MARCHF1: variants seen among roughly 807,000 people sequenced by gnomAD.
The protein encoded by MARCHF1 is E3 ubiquitin-protein ligase MARCHF1.
Under a neutral mutation model 54.2 loss-of-function variants are expected in MARCHF1, and 40 were observed. That is an observed-to-expected ratio of 0.74 (90% CI 0.57 to 0.96). The LOEUF is 0.96. Among genes scored for constraint, MARCHF1 ranks in the 40% least tolerant of loss-of-function variants. The probability of loss-of-function intolerance (pLI) is 0.00; values close to 1 mark genes in which losing one functional copy is unlikely to be tolerated. For synonymous variants in MARCHF1, 236 were observed against 236.3 expected (o/e 1.00, Z 0.01); for missense variants, 586 against 656.5 (o/e 0.89, Z 1.17).
At chr4:164,001,542 A>G (rs1430937112) in intron 2 of MARCHF1, among the ~76,000 whole-genome samples, 6 of 151,854 alleles carry the variant, frequency 4.0e-5, no homozygotes, top group Non-Finnish European at 5.9e-5. Context: ...AATATATGAA[A>G]CAAATGGTTT....
chr4:163,743,016 A>G (rs888962971), intron 4 of MARCHF1, among the ~76,000 whole-genome samples: 7 of 152,228 alleles, frequency 4.6e-5, no homozygotes, highest in Non-Finnish European at 8.8e-5. Flanking sequence ...AACTATTGCT[A>G]TTTAAGTACA....
rs1164922405 is a variant in MARCHF1 at position 163,545,671 on chromosome 4, T to C, written c.1264A>G (p.Ile422Val). 9.9e-6 allele frequency: 16 copies of C among 1,613,994 alleles called. No individual in the cohort carries two copies. Among genetic ancestry groups the C allele is most frequent in the Middle Eastern group, 1.6e-4 (1 of 6,084 alleles). Residue 422 changes from isoleucine (I) to valine (V), a missense_variant, in exon 9 of 10, where the codon ATC becomes GTC. Around this residue, in one of 3 missense-constraint regions of MARCHF1, gnomAD observed 93 missense variants for 168.2 expected, o/e 0.55. Coordinates refer to ENST00000514618, the MANE Select transcript of MARCHF1 (RefSeq NM_001394959.1). The stretch of plus-strand genomic sequence containing the variant: ...TACAAAGACCAAACCACACAGGTGA[T>C]CGCGATTACGTGGAATGTGACAGAG... ...FCSVTFHVIA[I>V]TCVVWSLYVL... is the part of the protein sequence containing the mutation.
intron 3 of MARCHF1, among the ~76,000 whole-genome samples, chr4:163,928,111 G>A (rs145777226): frequency 0.015 from 2,291 of 151,858 alleles, 35 homozygotes; most frequent in Non-Finnish European, 0.02. Context: ...AATTCTCTAT[G>A]TAATTCTTTC....
intron 2 of MARCHF1, among the ~76,000 whole-genome samples, chr4:164,032,281 C>A (rs961430496): frequency 6.6e-6 from 1 of 151,964 alleles, no homozygotes; most frequent in Admixed American, 6.6e-5. Flanking sequence ...TTCAAAAAAC[C>A]AGCTCTTGGA....
intron 5 of MARCHF1, among the ~76,000 whole-genome samples, chr4:163,678,131 G>A (rs1443052929): frequency 1.3e-5 from 2 of 152,162 alleles, no homozygotes; most frequent in South Asian, 2.1e-4. Flanking sequence ...TGCCACAGAT[G>A]GAATTCCTTG....
intron 1 of MARCHF1, among the ~76,000 whole-genome samples, chr4:164,253,390 G>T (rs372217552): frequency 5.1e-4 from 77 of 152,182 alleles, no homozygotes; most frequent in African/African-American, 1.8e-3. Flanking sequence ...CCTTCAGAAG[G>T]AAATAAGCTG....
At chr4:163,555,846 T>C (rs1043980183) in intron 8 of MARCHF1, 6 of 434,578 alleles carry the variant, frequency 1.4e-5, no homozygotes, top group Non-Finnish European at 2.3e-5. Context: ...CTTCGCCTCT[T>C]ACCTCTTCAG....
At chr4:163,670,007 TC>T (rs1363716376) in intron 5 of MARCHF1, among the ~76,000 whole-genome samples, 3 of 152,186 alleles carry the variant, frequency 2.0e-5, no homozygotes, top group African/African-American at 7.2e-5. Flanking sequence ...TTTTAAGATG[TC>T]TTTGGAAGGA....
At chr4:163,763,775 T>G (rs1746898205) in intron 4 of MARCHF1, among the ~76,000 whole-genome samples, 1 of 152,116 alleles carries the variant, frequency 6.6e-6, no homozygotes, top group Non-Finnish European at 1.5e-5. Flanking sequence ...TGGATTATAC[T>G]GTCATGTTGG....
At chr4:163,909,252 T>C (rs1371346112) in intron 3 of MARCHF1, among the ~76,000 whole-genome samples, 2 of 152,150 alleles carry the variant, frequency 1.3e-5, no homozygotes, top group Non-Finnish European at 2.9e-5. Context: ...CCAGCAATAA[T>C]AGAAACAGTA....
intron 1 of MARCHF1, among the ~76,000 whole-genome samples, chr4:164,288,863 A>G (rs1024944473): frequency 1.3e-5 from 2 of 152,086 alleles, no homozygotes; most frequent in African/African-American, 4.8e-5. Context: ...ATTGACTCTC[A>G]GCAAGGTATA....
chr4:163,721,666 T>G (rs56666387), intron 4 of MARCHF1, among the ~76,000 whole-genome samples: 26 of 152,278 alleles, frequency 1.7e-4, no homozygotes, highest in East Asian at 1.4e-3. Context: ...TCCTGGACTT[T>G]CTTTGTTTGG....
intron 2 of MARCHF1, among the ~76,000 whole-genome samples, chr4:164,034,028 T>C (rs980450535): frequency 6.6e-6 from 1 of 151,626 alleles, no homozygotes; most frequent in African/African-American, 2.4e-5. Context: ...CCAACTCAAA[T>C]GCCCATCAAT....
At chr4:163,859,868 G>A (rs2111187364) in intron 3 of MARCHF1, among the ~76,000 whole-genome samples, 1 of 152,258 alleles carries the variant, frequency 6.6e-6, no homozygotes, top group Middle Eastern at 3.4e-3. Flanking sequence ...CCCAGAGATG[G>A]GGCAGTTGGT....
chr4:163,857,023 T>TAAAC (rs1749786072), intron 3 of MARCHF1, among the ~76,000 whole-genome samples: 1 of 122,560 alleles, frequency 8.2e-6, no homozygotes, highest in Non-Finnish European at 1.7e-5. Context: ...GAAAAATAAA[T>TAAAC]AAATAAATAA....
At chr4:163,617,008 T>C (rs1434789561) in intron 5 of MARCHF1, among the ~76,000 whole-genome samples, 2 of 152,126 alleles carry the variant, frequency 1.3e-5, no homozygotes, top group Admixed American at 6.6e-5. Context: ...TCAATCTAAA[T>C]GGTCATCAGC....
intron 4 of MARCHF1, among the ~76,000 whole-genome samples, chr4:163,852,191 T>C (rs752661457): frequency 6.6e-6 from 1 of 152,154 alleles, no homozygotes; most frequent in Non-Finnish European, 1.5e-5. Context: ...GTAACCCTTT[T>C]ATTATTTACT....
chr4:163,535,453 A>G (rs1302169034), intron 9 of MARCHF1, among the ~76,000 whole-genome samples: 3 of 152,068 alleles, frequency 2.0e-5, no homozygotes, highest in Non-Finnish European at 4.4e-5. Context: ...AATCTTTGAT[A>G]GTGTTGAAAT....
intron 5 of MARCHF1, among the ~76,000 whole-genome samples, chr4:163,613,820 C>T (rs1361988669): frequency 6.6e-6 from 1 of 152,068 alleles, no homozygotes; most frequent in Non-Finnish European, 1.5e-5. Context: ...CTAGATACTT[C>T]CTGAAGCTAA....
Sources: gnomAD v4.1 joint callset for allele counts (sites outside exome capture counted in the v4.1 genomes callset) on GRCh38, gnomAD v4.1.1 for gene constraint, gnomAD v4.1.1 regional missense constraint, MANE v1.5 for transcripts, NCBI Gene and HGNC (gene_info 2026-07-23, HGNC 2026-07-21) for gene names.